The following IRF9 variants were observed in gnomAD, a reference collection of about 807,000 sequenced individuals.
IRF9 encodes the protein interferon regulatory factor 9, also known as IFN-alpha-responsive transcription factor subunit.
Under a neutral mutation model 44.1 loss-of-function variants are expected in IRF9, and 13 were observed. That is an observed-to-expected ratio of 0.29 (90% CI 0.19 to 0.47). The LOEUF (loss-of-function observed/expected upper bound fraction) is 0.47, where lower values mean the gene tolerates loss of function less well. Ranked by LOEUF, IRF9 falls within the 20% of genes least tolerant of loss-of-function variation. The pLI, the probability that IRF9 is intolerant of heterozygous loss-of-function variation, is 1.00. For missense variants in IRF9, 373 were observed against 496.1 expected, an observed-to-expected ratio of 0.75 and a Z score of 2.36; for synonymous variants, 189 against 188.5, an observed-to-expected ratio of 1.00 and a Z score of -0.02.
In IRF9 at chr14:24,163,465, A is replaced by T. The variant is rs773161779; in HGVS notation, c.452A>T (p.Asn151Ile). 2 of 1,614,244 alleles carry T rather than the reference A, an allele frequency of 1.2e-6. No homozygotes were observed. Among genetic ancestry groups the T allele is most frequent in the South Asian group, 2.2e-5 (2 of 91,086 alleles). Residue 151 changes from asparagine to isoleucine, a missense_variant, in exon 4 of 9, where the codon AAC (asparagine) becomes ATC (isoleucine). Around this residue, in one of 2 missense-constraint regions of IRF9, gnomAD observed 227 missense variants for 255.3 expected, o/e 0.89. Coordinates refer to ENST00000396864, the MANE Select transcript of IRF9 (RefSeq NM_006084.5). ...ERKEEEDAMQNCTLSPSVLQD... is the reference protein window; with the variant it reads ...ERKEEEDAMQICTLSPSVLQD... ...AAGGAGGAAGAGGATGCCATGCAGA[A>T]CTGCACACTCAGTCCCTCTGTGCTC...
chr14:24,164,712 T>C lies in IRF9; in HGVS notation c.748T>C (p.Ser250Pro), dbSNP rs770056592. ...DCRLVAEPSG[S>P]ESSMEQVLFP... ...CCGCCTTGTGGCTGAGCCCTCAGGC[T>C]CTGAGAGCAGCATGGAGCAGGTGCT... is the stretch of plus-strand genomic sequence containing the variant. The change falls in exon 7 of 9, where the codon TCT (serine) becomes CCT (proline). Residue 250 changes from serine to proline, a missense_variant. Coordinates refer to ENST00000396864, the MANE Select transcript of IRF9 (RefSeq NM_006084.5). The surrounding 1 kb of genome is among the most constrained non-coding windows in gnomAD (Gnocchi z 5.2). 6.2e-7 allele frequency: 1 copy of C among 1,613,412 alleles called. No homozygotes were observed. The highest frequency in any genetic ancestry group is 8.5e-7 in the Non-Finnish European group (1 of 1,179,852).
rs993120482 is a variant in IRF9 at position 24,166,454 on chromosome 14, C to G, written c.*258C>G. 1.5e-5 allele frequency: 8 copies of G among 534,454 alleles called. No individual in the cohort carries two copies. Among genetic ancestry groups the G allele is most frequent in the Non-Finnish European group, 2.6e-5 (8 of 304,094 alleles). The allele number at this position is 534,454 out of a possible 1,614,324, so 33.1% of individuals were successfully genotyped here. On this transcript the variant is annotated 3_prime_UTR_variant, in exon 9 of 9. Coordinates refer to ENST00000396864, the MANE Select transcript of IRF9 (RefSeq NM_006084.5). ...ACTAGGAAATTCCAAATGGTGTGAACCCAGGGGGCCTTTCCCTCTTCCCTG... is the reference window on the plus strand; with the variant it reads ...ACTAGGAAATTCCAAATGGTGTGAAGCCAGGGGGCCTTTCCCTCTTCCCTG...
chr14:24,166,085 C>G, intron 8 of IRF9, 37 bp from the exon 9 acceptor site: 1 of 1,603,368 alleles, frequency 6.2e-7, no homozygotes, highest in Non-Finnish European at 8.5e-7. Flanking sequence ...CCCTGATGCA[C>G]GCACTGAGAT....
At position 24,165,979 on chromosome 14, in the gene IRF9, G is replaced by T; in HGVS notation, c.1107+17G>T. On this transcript the variant is annotated intron_variant, in intron 8 of 8. Coordinates refer to ENST00000396864, the MANE Select transcript of IRF9 (RefSeq NM_006084.5). ...ACAGTGAAGGTGAGCTCGGAGCAGGGGTAGAGTACCCATCTAATGAGAGCA... is the reference window on the plus strand; with the variant it reads ...ACAGTGAAGGTGAGCTCGGAGCAGGTGTAGAGTACCCATCTAATGAGAGCA... 2.5e-6 allele frequency: 4 copies of T among 1,605,766 alleles called. No individual in the cohort carries two copies. In the Admixed American group the frequency reaches 5.0e-5, roughly 20 times the overall value.
chr14:24,163,990 CCCATG>C, intron 5 of IRF9, 31 bp downstream of exon 5: 1 of 1,610,138 alleles, frequency 6.2e-7, no homozygotes, highest in Non-Finnish European at 8.5e-7. Flanking sequence ...TGTGTCGTCC[CCCATG>C]CCACACCCTC....
chr14:24,165,477 G>C (rs2038511776), intron 7 of IRF9: 1 of 544,764 alleles, frequency 1.8e-6, no homozygotes, highest in Admixed American at 3.1e-5. Flanking sequence ...AGGGGGTGCA[G>C]AGTGTGGGTG....
chr14:24,164,172 C>T lies in IRF9; in HGVS notation c.649+38C>T. On this transcript the variant is annotated intron_variant, in intron 6 of 8. Coordinates refer to ENST00000396864, the MANE Select transcript of IRF9 (RefSeq NM_006084.5). This position sits in a 1 kb window ranked among gnomAD's most constrained non-coding sequence, Gnocchi z 5.2. ...TCTGACTTTCTCCTGTGCCCTGTGC[C>T]CCTGAGGTCTTCCACCTTTGACTAT... 2 of 1,563,294 alleles carry T rather than the reference C, an allele frequency of 1.3e-6. No individual in the cohort carries two copies. The highest frequency in any genetic ancestry group is 1.4e-5 in the African/African-American group (1 of 73,924).
At chr14:24,165,379 G>A in intron 7 of IRF9, 1 of 614,278 alleles carries the variant, frequency 1.6e-6, no homozygotes, top group Non-Finnish European at 2.9e-6. Flanking sequence ...CCACACTCCA[G>A]GCATGCCTTA....
At chr14:24,165,031 C>T (rs2038506567) in intron 7 of IRF9, 76 bp downstream of exon 7, 1 of 1,292,368 alleles carries the variant, frequency 7.7e-7, no homozygotes, top group African/African-American at 1.5e-5. Context: ...CTTGTTGGGT[C>T]CTGCTACCTC....
intron 2 of IRF9, 53 bp downstream of exon 2, chr14:24,162,377 ACTGG>A: frequency 6.5e-7 from 1 of 1,531,042 alleles, no homozygotes; most frequent in Non-Finnish European, 8.9e-7. Flanking sequence ...GTGTATACAC[ACTGG>A]TACACTCATC....
intron 8 of IRF9, 60 bp downstream of exon 8, chr14:24,166,022 G>A: frequency 1.3e-6 from 2 of 1,579,902 alleles, no homozygotes; most frequent in Middle Eastern, 1.7e-4. Flanking sequence ...TGGTGCTCCA[G>A]GAGGCAAAGG....
At chr14:24,165,011 C>A in intron 7 of IRF9, 56 bp downstream of exon 7, 1 of 1,537,656 alleles carries the variant, frequency 6.5e-7, no homozygotes, top group Non-Finnish European at 8.9e-7. Context: ...TTAGTACCCC[C>A]TGGGCCCAAC....
intron 7 of IRF9, 87 bp from the exon 8 acceptor site, chr14:24,165,760 C>G (rs2038514024): frequency 2.4e-6 from 2 of 837,522 alleles, no homozygotes; most frequent in Admixed American, 2.4e-5. Context: ...CTACCTCTCT[C>G]CATCATGGGT....
At chr14:24,162,750 G>A (rs2038475845) in intron 2 of IRF9, 9 of 531,640 alleles carry the variant, frequency 1.7e-5, no homozygotes, top group Middle Eastern at 5.0e-4. Flanking sequence ...AGTGAGTCGA[G>A]ATCGCACCAC....
At position 24,163,156 on chromosome 14, in the gene IRF9, T is replaced by C; in HGVS notation, c.364+7T>C. 6.2e-7 allele frequency: 1 copy of C among 1,613,298 alleles called. No homozygotes were observed. The highest frequency in any genetic ancestry group is 1.7e-4 in the Middle Eastern group (1 of 5,826). ...CCACCAGGAATCGTCTCTGGTGAGTTTCCCCTTGTCCAACCACTGCTAGAC... is the reference window on the plus strand; with the variant it reads ...CCACCAGGAATCGTCTCTGGTGAGTCTCCCCTTGTCCAACCACTGCTAGAC... On this transcript the variant is annotated splice_region_variant and intron_variant, in intron 3 of 8. Transcript: ENST00000396864.
intron 7 of IRF9, 88 bp downstream of exon 7, chr14:24,165,043 C>A: frequency 8.5e-7 from 1 of 1,179,810 alleles, no homozygotes; most frequent in Non-Finnish European, 1.2e-6. Context: ...TGCTACCTCC[C>A]TATCTGCCAG....
rs778935881 is a variant in IRF9, at chr14:24,164,001, C to A, written c.577+42C>A. The A allele has an allele frequency of 1.1e-5, 17 of 1,610,854 alleles. No homozygotes were observed. Among genetic ancestry groups the A allele is most frequent in the Admixed American group, 1.7e-5 (1 of 59,656 alleles). On this transcript the variant is annotated intron_variant, in intron 5 of 8. Coordinates refer to ENST00000396864, the MANE Select transcript of IRF9 (RefSeq NM_006084.5). This position sits in a 1 kb window ranked among gnomAD's most constrained non-coding sequence, Gnocchi z 5.2. ...CTCTTGTGTCGTCCCCCATGCCACA[C>A]CCTCTGGCCCAAGACTCCCCAGTCC... is the stretch of plus-strand genomic sequence containing the variant.
In IRF9 at chr14:24,162,343, C is replaced by G; in HGVS notation, c.180+19C>G. The G allele has an allele frequency of 6.2e-7, 1 of 1,609,332 alleles. No individual in the cohort carries two copies. The highest frequency in any genetic ancestry group is 8.5e-7 in the Non-Finnish European group (1 of 1,177,162). ...CTTCAAGGTGAAAGGGCCTGGAAAC[C>G]ACTGTTCCTCTGTGTGTGGGATGGT... On this transcript the variant is annotated intron_variant, in intron 2 of 8. Transcript: ENST00000396864.
chr14:24,164,556 G>T lies in IRF9; in HGVS notation c.650-58G>T. The T allele has an allele frequency of 6.7e-7, 1 of 1,494,890 alleles. No homozygotes were observed. The highest frequency in any genetic ancestry group is 1.3e-5 in the South Asian group (1 of 77,016). 92.6% of individuals were successfully genotyped at this position (1,494,890 alleles called of 1,614,324 possible). A position where few individuals can be genotyped will look rare whatever the true frequency, so the allele number is the denominator to read the frequency against. On this transcript the variant is annotated intron_variant, in intron 6 of 8. Transcript: ENST00000396864. The surrounding 1 kb of genome is among the most constrained non-coding windows in gnomAD (Gnocchi z 5.2). Reference sequence around the variant, plus strand: ...GGAGGTGGAGTTGTTCCCCTGGGGAGGGGCTGCTGCCAGCCTGCATGCTCC... The same window carrying T: ...GGAGGTGGAGTTGTTCCCCTGGGGATGGGCTGCTGCCAGCCTGCATGCTCC...
Sources: gnomAD v4.1 joint callset for allele counts on GRCh38, gnomAD v4.1.1 for gene constraint, gnomAD v4.1.1 regional missense constraint, Gnocchi (gnomAD v3.1) non-coding constraint, MANE v1.5 for transcripts, NCBI Gene and HGNC (gene_info 2026-07-23, HGNC 2026-07-21) for gene names.